KAT6B: variants seen among roughly 807,000 people sequenced by gnomAD.
KAT6B encodes the protein lysine acetyltransferase 6B.
KAT6B carries 10 observed loss-of-function variants against 187.5 expected under a neutral mutation model. The ratio of observed to expected loss-of-function variants is 0.05; its 90% confidence interval spans 0.03 to 0.09. The LOEUF (loss-of-function observed/expected upper bound fraction) is 0.09, where lower values mean the gene tolerates loss of function less well. KAT6B is among the 10% of genes least tolerant of loss of function. The pLI is 1.00. For synonymous variants in KAT6B, 861 were observed against 926.8 expected, an observed-to-expected ratio of 0.93 and a Z score of 1.29; for missense variants, 1,952 against 2,558.9, an observed-to-expected ratio of 0.76 and a Z score of 5.12.
chr10:74,976,512 C>G, intron 8 of KAT6B, 182 bp downstream of exon 8: 1 of 645,672 alleles, frequency 1.5e-6, no homozygotes, highest in Non-Finnish European at 2.7e-6. Flanking sequence ...ACTAAACCTC[C>G]AAAATGTTGT....
At chr10:74,997,109 C>G (rs557878167) in intron 13 of KAT6B, among the ~76,000 whole-genome samples, 1 of 152,110 alleles carries the variant, frequency 6.6e-6, no homozygotes, top group Admixed American at 6.5e-5. Flanking sequence ...TACCTGTAAT[C>G]CCAGCACTCT....
At chr10:74,830,728 CTTCATATATATATATATATATA>C (rs1201879558) in intron 1 of KAT6B, among the ~76,000 whole-genome samples, 5 of 56,350 alleles carry the variant, frequency 8.9e-5, no homozygotes, top group Non-Finnish European at 1.2e-4. Context: ...TTGCACAGCT[CTTCATATATATATATATATATA>C]TATATATATA....
chr10:74,835,293 C>T (rs1387122774), intron 1 of KAT6B, among the ~76,000 whole-genome samples: 1 of 152,188 alleles, frequency 6.6e-6, no homozygotes, highest in South Asian at 2.1e-4. Flanking sequence ...CAGTCCCATC[C>T]ATCCAAGAGA....
chr10:74,957,403 A>G (rs139314136), intron 3 of KAT6B, among the ~76,000 whole-genome samples: 1 of 152,228 alleles, frequency 6.6e-6, no homozygotes, highest in African/African-American at 2.4e-5. Context: ...GTGAAGTGAT[A>G]ACATCTATGC....
chr10:74,854,502 A>C (rs1026013850), intron 3 of KAT6B, among the ~76,000 whole-genome samples: 1 of 152,072 alleles, frequency 6.6e-6, no homozygotes, highest in South Asian at 2.1e-4. Flanking sequence ...ATATTTTGAT[A>C]AATCTGCAAA....
rs55830039 is a variant in KAT6B at position 74,848,064 on chromosome 10, G to A, written c.621+4586G>A. Among the ~76,000 whole-genome samples the A allele has an allele frequency of 5.9e-5, 9 of 151,728 alleles. No individual in the cohort carries two copies. The South Asian group carries it at 1.0e-3, about 18-fold the overall frequency. ...CTCCCTAGTAGCTGGGATTACAGGC[G>A]TGCGCCACCATGCCTGGCTAATTTT... On this transcript the variant is annotated intron_variant, in intron 3 of 17. Coordinates refer to ENST00000287239, the MANE Select transcript of KAT6B (RefSeq NM_012330.4).
chr10:74,879,236 G>A (rs1844671699), intron 3 of KAT6B, among the ~76,000 whole-genome samples: 1 of 152,156 alleles, frequency 6.6e-6, no homozygotes, highest in Non-Finnish European at 1.5e-5. Context: ...GTCTTTTCTG[G>A]GGTGATCAAG....
chr10:74,903,231 C>T (rs541348922), intron 3 of KAT6B, among the ~76,000 whole-genome samples: 4 of 152,148 alleles, frequency 2.6e-5, no homozygotes, highest in African/African-American at 9.6e-5. Context: ...CCTGAGAGAC[C>T]CCCAGTGACC....
intron 3 of KAT6B, among the ~76,000 whole-genome samples, chr10:74,891,843 C>CTCAGTTCT (rs1200438121): frequency 1.3e-5 from 2 of 152,186 alleles, no homozygotes; most frequent in African/African-American, 4.8e-5. Flanking sequence ...GACAGATATT[C>CTCAGTTCT]TCAGTTCTTT....
At chr10:75,010,521 A>G (rs1308357008) in intron 13 of KAT6B, among the ~76,000 whole-genome samples, 2 of 152,180 alleles carry the variant, frequency 1.3e-5, no homozygotes, top group Non-Finnish European at 2.9e-5. Context: ...TTGGAATTAC[A>G]ACATACTTTG....
At chr10:74,875,089 G>T (rs1208698845) in intron 3 of KAT6B, among the ~76,000 whole-genome samples, 1 of 152,218 alleles carries the variant, frequency 6.6e-6, no homozygotes, top group Non-Finnish European at 1.5e-5. Flanking sequence ...TTCTATGGGT[G>T]TGAGATACAT....
chr10:74,977,488 A>T (rs750976556), intron 9 of KAT6B, 51 bp downstream of exon 9: 7 of 1,599,084 alleles, frequency 4.4e-6, no homozygotes, highest in African/African-American at 1.3e-5. Context: ...GTGGCTTCTA[A>T]CTATTAATAT....
Position 74,969,968 on chromosome 10 carries a change from C to A in KAT6B, c.847-52C>A, listed in dbSNP as rs563744555. 4.4e-6 allele frequency: 6 copies of A among 1,370,606 alleles called. No homozygotes were observed. The African/African-American group carries it at 5.7e-5, about 13-fold the overall frequency. 84.9% of individuals were successfully genotyped at this position (1,370,606 alleles called of 1,614,324 possible). ...AATCCAGTAACAAAAGAATTTTTGGCCTTTTACAGTTGGTTTCAGTCTCAA... is the reference window on the plus strand; with the variant it reads ...AATCCAGTAACAAAAGAATTTTTGGACTTTTACAGTTGGTTTCAGTCTCAA... On this transcript the variant is annotated intron_variant, in intron 5 of 17. Transcript: ENST00000287239.
intron 17 of KAT6B, 49 bp from the exon 18 acceptor site, chr10:75,028,440 G>A (rs1466510913): frequency 1.2e-6 from 2 of 1,613,380 alleles, no homozygotes; most frequent in Non-Finnish European, 1.7e-6. Flanking sequence ...CCATGGTTAT[G>A]CTTTCTAAGA....
intron 13 of KAT6B, among the ~76,000 whole-genome samples, chr10:75,018,034 G>A (rs1845104387): frequency 6.6e-6 from 1 of 152,222 alleles, no homozygotes; most frequent in Non-Finnish European, 1.5e-5. Flanking sequence ...TGCAAGCCAT[G>A]CAGGGGTCCC....
intron 13 of KAT6B, among the ~76,000 whole-genome samples, chr10:75,019,632 A>C (rs1341292881): frequency 6.6e-6 from 1 of 152,228 alleles, no homozygotes; most frequent in African/African-American, 2.4e-5. Context: ...AGGCTGTTGA[A>C]ATAGATAATT....
At chr10:74,882,189 C>T (rs1242049014) in intron 3 of KAT6B, among the ~76,000 whole-genome samples, 1 of 152,232 alleles carries the variant, frequency 6.6e-6, no homozygotes, top group Non-Finnish European at 1.5e-5. Flanking sequence ...GCTGTCTCCC[C>T]TTCCCTGCTC....
intron 16 of KAT6B, chr10:75,024,022 T>C (rs575639474): frequency 6.6e-5 from 10 of 152,286 alleles, no homozygotes; most frequent in African/African-American, 2.4e-4. Context: ...GAATTTTGTG[T>C]CATTAAAAAC....
chr10:74,993,331 G>A (rs1287387619), intron 13 of KAT6B, among the ~76,000 whole-genome samples: 5 of 152,062 alleles, frequency 3.3e-5, no homozygotes, highest in African/African-American at 4.8e-5. Flanking sequence ...AAAATTTCCC[G>A]TACATTGTTG....
Sources: allele counts gnomAD v4.1 joint callset (sites outside exome capture counted in the v4.1 genomes callset), GRCh38; gene constraint gnomAD v4.1.1; transcripts MANE v1.5; gene names NCBI Gene and HGNC (gene_info 2026-07-23, HGNC 2026-07-21).